The following PTPRQ variants were observed in gnomAD, a reference collection of about 807,000 sequenced individuals.
PTPRQ encodes protein tyrosine phosphatase receptor type Q.
In PTPRQ, 199 loss-of-function variants were observed where a neutral mutation model predicts 246.0. That is an observed-to-expected ratio of 0.81 (90% CI 0.72 to 0.91). The LOEUF (loss-of-function observed/expected upper bound fraction) is 0.91, where lower values mean the gene tolerates loss of function less well. PTPRQ is among the 40% of genes least tolerant of loss of function. PTPRQ has a pLI of 0.00. For synonymous variants in PTPRQ, 869 were observed against 853.2 expected (o/e 1.02, Z -0.32); for missense variants, 2,624 against 2,528.4 (o/e 1.04, Z -0.81).
chr12:80,452,472 A>G (rs1592518010), intron 3 of PTPRQ, among the ~76,000 whole-genome samples: 1 of 152,264 alleles, frequency 6.6e-6, no homozygotes, highest in East Asian at 1.9e-4. Flanking sequence ...GATGGTCTTT[A>G]CAATTTGGCA....
intron 25 of PTPRQ, among the ~76,000 whole-genome samples, chr12:80,575,582 C>G (rs1897258680): frequency 6.6e-6 from 1 of 151,998 alleles, no homozygotes; most frequent in South Asian, 2.1e-4. Flanking sequence ...ACCCTCATCC[C>G]TGTAATCCCA....
intron 6 of PTPRQ, among the ~76,000 whole-genome samples, chr12:80,463,726 G>A: frequency 6.6e-6 from 1 of 151,382 alleles, no homozygotes; most frequent in African/African-American, 2.4e-5. Flanking sequence ...CATTCTTAAA[G>A]AAAAGAATTT....
intron 25 of PTPRQ, among the ~76,000 whole-genome samples, chr12:80,576,421 G>A (rs1051875173): frequency 1.2e-4 from 18 of 151,804 alleles, no homozygotes; most frequent in Non-Finnish European, 2.5e-4. Context: ...GATTATAGGC[G>A]TGAGCCCCCA....
chr12:80,468,988 C>G, intron 7 of PTPRQ, 150 bp downstream of exon 7: 3 of 1,132,744 alleles, frequency 2.6e-6, no homozygotes, highest in Non-Finnish European at 3.6e-6. Context: ...AAGGGGAGGT[C>G]CTTTGATTTT....
At chr12:80,670,095 T>A (rs1900921278) in intron 41 of PTPRQ, among the ~76,000 whole-genome samples, 1 of 152,150 alleles carries the variant, frequency 6.6e-6, no homozygotes, top group Non-Finnish European at 1.5e-5. Context: ...TGGCATACTA[T>A]ATTTGAATAT....
At chr12:80,508,340 A>G (rs774159366) in intron 16 of PTPRQ, among the ~76,000 whole-genome samples, 2 of 152,054 alleles carry the variant, frequency 1.3e-5, no homozygotes, top group Non-Finnish European at 2.9e-5. Context: ...TGGACAAATA[A>G]TTTTTATGAT....
At chr12:80,547,555 G>A (rs559063689) in intron 24 of PTPRQ, among the ~76,000 whole-genome samples, 18 of 152,084 alleles carry the variant, frequency 1.2e-4, no homozygotes, top group Non-Finnish European at 1.2e-4. Flanking sequence ...TGTTTTTCGT[G>A]CATTTCTGTA....
intron 17 of PTPRQ, among the ~76,000 whole-genome samples, chr12:80,527,681 G>A (rs1341200987): frequency 6.6e-6 from 1 of 152,140 alleles, no homozygotes; most frequent in African/African-American, 2.4e-5. Flanking sequence ...TGTTAGGAAT[G>A]AAAAAGGAGA....
intron 25 of PTPRQ, among the ~76,000 whole-genome samples, chr12:80,581,734 CA>C (rs1379944379): frequency 1.3e-5 from 2 of 151,350 alleles, no homozygotes; most frequent in African/African-American, 4.9e-5. Context: ...TCAAGGATCA[CA>C]AAAAGGTTAT....
In PTPRQ at chr12:80,495,321, C is replaced by A; in HGVS notation, c.1832C>A (p.Thr611Lys). ...ACGATTTATGCAATGGAATTGGATA[C>A]AAACAGAGCATTCCAGATAACTACC... ...HYTIYAMELDTNRAFQITTID... is the reference protein window; with the variant it reads ...HYTIYAMELDKNRAFQITTID... The change falls in exon 12 of 45, where the codon ACA (threonine) becomes AAA (lysine). Residue 611 changes from threonine (T) to lysine (K), a missense_variant. Transcript: ENST00000644991. The A allele has an allele frequency of 1.9e-6, 3 of 1,541,094 alleles. No individual in the cohort carries two copies. Among genetic ancestry groups the A allele is most frequent in the South Asian group, 2.5e-5 (2 of 80,778 alleles).
rs1565754445 is a variant in PTPRQ at position 80,510,427 on chromosome 12, T to C, written c.2662T>C (p.Tyr888His). The C allele has an allele frequency of 5.2e-6, 8 of 1,549,782 alleles. No homozygotes were observed. The change falls in exon 17 of 45, where the codon TAC becomes CAC. Residue 888 changes from tyrosine (Y) to histidine (H), a missense_variant. Tyr to His is a moderately conservative substitution (Grantham distance 83). Coordinates refer to ENST00000644991, the MANE Select transcript of PTPRQ (RefSeq NM_001145026.2). Reference protein sequence around the residue: ...PLEPNGIILYYTVYVWNRSSL... With the variant: ...PLEPNGIILYHTVYVWNRSSL... The stretch of plus-strand genomic sequence containing the variant: ...GGAGCCAAATGGAATTATCCTTTAT[T>C]ACACAGTTTATGTCTGGTAATAATT...
rs12305698 is a variant in PTPRQ at position 80,514,759 on chromosome 12, A to C, written c.2678+4316A>C. Among the ~76,000 whole-genome samples, 1,203 of 146,208 alleles carry C rather than the reference A, an allele frequency of 8.2e-3. 15 individuals carry two copies. The highest frequency in any genetic ancestry group is 0.028 in the African/African-American group (1,147 of 40,396). ...ATATTACATTAGGTATTATATAATT[A>C]TTACATATTATTATATATAATTGTT... On this transcript the variant is annotated intron_variant, in intron 17 of 44. Transcript: ENST00000644991.
chr12:80,455,542 A>G (rs1892949827), intron 3 of PTPRQ, among the ~76,000 whole-genome samples: 1 of 151,986 alleles, frequency 6.6e-6, no homozygotes, highest in Non-Finnish European at 1.5e-5. Context: ...TATTTCTTGA[A>G]CATTTACTAT....
chr12:80,585,276 A>G (rs1433762071), intron 25 of PTPRQ, among the ~76,000 whole-genome samples: 1 of 152,068 alleles, frequency 6.6e-6, no homozygotes, highest in Non-Finnish European at 1.5e-5. Flanking sequence ...ACCTTAGGGC[A>G]TTTTTTATTC....
intron 9 of PTPRQ, among the ~76,000 whole-genome samples, chr12:80,487,951 T>C (rs1894330952): frequency 1.3e-5 from 2 of 152,110 alleles, no homozygotes; most frequent in African/African-American, 4.8e-5. Context: ...CTGAGCTGTG[T>C]TCTCATCTGG....
intron 32 of PTPRQ, among the ~76,000 whole-genome samples, chr12:80,621,282 A>G (rs1200761553): frequency 6.6e-6 from 1 of 151,954 alleles, no homozygotes; most frequent in Non-Finnish European, 1.5e-5. Flanking sequence ...ATGATATACT[A>G]CCAAGTATCA....
Position 80,576,395 on chromosome 12 carries a change from C to T in PTPRQ, c.4286-11734C>T, listed in dbSNP as rs777425759. 1.8e-4 allele frequency among the ~76,000 whole-genome samples: 27 copies of T among 152,144 alleles called. 1 individual carries two copies. Among genetic ancestry groups the T allele is most frequent in the African/African-American group, 2.4e-5 (1 of 41,456 alleles). On this transcript the variant is annotated intron_variant, in intron 25 of 44. Transcript: ENST00000644991. ...GACCTCAGGTGATCTTCCTGCCCTG[C>T]CTCCCAAAGTGTTGGGATTATAGGC...
intron 33 of PTPRQ, among the ~76,000 whole-genome samples, chr12:80,625,520 G>A (rs916263661): frequency 1.3e-5 from 2 of 152,138 alleles, no homozygotes; most frequent in African/African-American, 4.8e-5. Flanking sequence ...TGGTAATTAT[G>A]CCTCTCAGAG....
chr12:80,456,232 AC>A (rs1198168195), intron 3 of PTPRQ, among the ~76,000 whole-genome samples: 1 of 152,178 alleles, frequency 6.6e-6, no homozygotes, highest in African/African-American at 2.4e-5. Context: ...GTTTTTTCTT[AC>A]TGGAAGTGTG....
Sources: gnomAD v4.1 joint callset for allele counts (sites outside exome capture counted in the v4.1 genomes callset) on GRCh38, gnomAD v4.1.1 for gene constraint, MANE v1.5 for transcripts, NCBI Gene and HGNC (gene_info 2026-07-23, HGNC 2026-07-21) for gene names.